The following SIPA1L1 variants were observed in gnomAD, a reference collection of about 807,000 sequenced individuals.
The protein encoded by SIPA1L1 is signal-induced proliferation-associated 1-like protein 1.
SIPA1L1 carries 26 observed loss-of-function variants against 162.7 expected under a neutral mutation model. The ratio of observed to expected loss-of-function variants is 0.16; its 90% CI spans 0.12 to 0.22. SIPA1L1 has a LOEUF of 0.22. Among genes scored for constraint, SIPA1L1 ranks in the 10% least tolerant of loss-of-function variants. The pLI, the probability that SIPA1L1 is intolerant of heterozygous loss-of-function variation, is 1.00. For synonymous variants in SIPA1L1, 829 were observed against 837.4 expected, an observed-to-expected ratio of 0.99 and a Z score of 0.17; for missense variants, 1,874 against 2,241.0, an observed-to-expected ratio of 0.84 and a Z score of 3.31.
chr14:71,564,021 C>T lies in SIPA1L1; in HGVS notation c.-302-23550C>T, dbSNP rs550901568. 1.1e-3 allele frequency among the ~76,000 whole-genome samples: 171 copies of T among 152,292 alleles called. 1 individual carries two copies. The highest frequency in any genetic ancestry group is 1.8e-3 in the Non-Finnish European group (120 of 68,016). On this transcript the variant is annotated intron_variant, in intron 4 of 23. Transcript: ENST00000381232. ...GTAGTGCAGTGGCACGAACACAGCT[C>T]ACTGCAGCCTCCACCTTCTGTCTCA... is the stretch of plus-strand genomic sequence containing the variant.
chr14:71,657,345 CA>C (rs561713864), intron 8 of SIPA1L1, among the ~76,000 whole-genome samples: 300 of 88,192 alleles, frequency 3.4e-3, no homozygotes, highest in African/African-American at 5.4e-3. Context: ...GAGACTGTCT[CA>C]AAAAAAAAAA....
intron 19 of SIPA1L1, among the ~76,000 whole-genome samples, chr14:71,726,097 A>T (rs2084219876): frequency 6.6e-6 from 1 of 152,178 alleles, no homozygotes; most frequent in African/African-American, 2.4e-5. Flanking sequence ...AAAAATCAAC[A>T]TTCATAGGAA....
rs558255372 is a variant in SIPA1L1, at chr14:71,391,045, T to C, written c.-465+69864T>C. ...CTAAGACTTCACAGGACAATGACAGTGGAAAGGAAATAGAAAAAAAAGCCA... is the reference window on the plus strand; with the variant it reads ...CTAAGACTTCACAGGACAATGACAGCGGAAAGGAAATAGAAAAAAAAGCCA... On this transcript the variant is annotated intron_variant, in intron 2 of 23. Transcript: ENST00000381232. Among the ~76,000 whole-genome samples, 90 of 150,524 alleles carry C rather than the reference T, an allele frequency of 6.0e-4. 1 individual carries two copies. In the South Asian group the frequency reaches 0.015, roughly 25 times the overall value.
chr14:71,616,871 C>G (rs1246462274), intron 5 of SIPA1L1, among the ~76,000 whole-genome samples: 2 of 151,990 alleles, frequency 1.3e-5, no homozygotes, highest in Non-Finnish European at 2.9e-5. Flanking sequence ...TTATAGTGGC[C>G]CTATATCTGG....
chr14:71,552,544 A>G (rs1349802955), intron 4 of SIPA1L1, among the ~76,000 whole-genome samples: 1 of 151,798 alleles, frequency 6.6e-6, no homozygotes, highest in Non-Finnish European at 1.5e-5. Context: ...GGCGCCCGCC[A>G]CCACGCCCGG....
intron 2 of SIPA1L1, among the ~76,000 whole-genome samples, chr14:71,427,119 G>A (rs1838838280): frequency 6.6e-6 from 1 of 152,050 alleles, no homozygotes; most frequent in African/African-American, 2.4e-5. Context: ...TTTTATTGAA[G>A]TCTTTATTTC....
chr14:71,620,843 T>C (rs774361371), intron 6 of SIPA1L1, among the ~76,000 whole-genome samples: 1 of 152,222 alleles, frequency 6.6e-6, no homozygotes, highest in Non-Finnish European at 1.5e-5. Flanking sequence ...AAGATTCTCT[T>C]CTTCTCCAGC....
At position 71,360,102 on chromosome 14, in the gene SIPA1L1, A is replaced by G. The variant is rs554482171; in HGVS notation, c.-465+38921A>G. Among the ~76,000 whole-genome samples, 14 of 152,318 alleles carry G rather than the reference A, an allele frequency of 9.2e-5. No individual in the cohort carries two copies. The East Asian group carries it at 2.7e-3, about 29-fold the overall frequency. On this transcript the variant is annotated intron_variant, in intron 2 of 23. Coordinates refer to ENST00000381232, the MANE Select transcript of SIPA1L1 (RefSeq NM_001386936.1). The stretch of plus-strand genomic sequence containing the variant: ...CGGGGTCATCTAGATGTGAGAGTAC[A>G]TTTCTACTAATCTAAACTTTTTACA...
intron 7 of SIPA1L1, among the ~76,000 whole-genome samples, chr14:71,630,177 T>C (rs909457798): frequency 6.6e-6 from 1 of 152,242 alleles, no homozygotes; most frequent in African/African-American, 2.4e-5. Flanking sequence ...GGCTACCAAA[T>C]TGATTCCAGA....
intron 16 of SIPA1L1, among the ~76,000 whole-genome samples, chr14:71,705,908 C>G (rs888027092): frequency 1.3e-5 from 2 of 152,076 alleles, no homozygotes; most frequent in Non-Finnish European, 2.9e-5. Context: ...TCCAACCCCC[C>G]TCTTATTTTT....
At chr14:71,471,884 T>C (rs1335281182) in intron 2 of SIPA1L1, among the ~76,000 whole-genome samples, 2 of 152,196 alleles carry the variant, frequency 1.3e-5, no homozygotes, top group Non-Finnish European at 2.9e-5. Context: ...TGAATTTAGA[T>C]AGAAAAGATA....
chr14:71,723,622 A>G, intron 17 of SIPA1L1, 25 bp from the exon 18 acceptor site: 1 of 1,612,428 alleles, frequency 6.2e-7, no homozygotes. Context: ...TGAGATACAC[A>G]TGTCTTTGCC....
At chr14:71,508,015 G>A (rs148986147) in intron 2 of SIPA1L1, among the ~76,000 whole-genome samples, 60 of 152,274 alleles carry the variant, frequency 3.9e-4, no homozygotes, top group Admixed American at 3.7e-3. Context: ...GAGGGTAACC[G>A]GCATAAGCTC....
intron 2 of SIPA1L1, among the ~76,000 whole-genome samples, chr14:71,485,458 C>A (rs2048678540): frequency 6.6e-6 from 1 of 152,062 alleles, no homozygotes; most frequent in Non-Finnish European, 1.5e-5. Context: ...GCATTAGATT[C>A]TTATAGGAGT....
chr14:71,568,440 TCTGACAA>T (rs2031232775), intron 4 of SIPA1L1, among the ~76,000 whole-genome samples: 1 of 152,172 alleles, frequency 6.6e-6, no homozygotes, highest in Non-Finnish European at 1.5e-5. Flanking sequence ...AAGCCTGAGT[TCTGACAA>T]AAGGTGGTAT....
At chr14:71,519,037 C>T (rs1045724726) in intron 3 of SIPA1L1, among the ~76,000 whole-genome samples, 7 of 152,252 alleles carry the variant, frequency 4.6e-5, no homozygotes, top group South Asian at 2.1e-4. Flanking sequence ...ATTACCTTCC[C>T]GGGGTCCCTC....
intron 2 of SIPA1L1, among the ~76,000 whole-genome samples, chr14:71,353,364 G>T (rs1384379923): frequency 6.6e-6 from 1 of 152,124 alleles, no homozygotes; most frequent in Non-Finnish European, 1.5e-5. Flanking sequence ...AGACATTTTA[G>T]ACCAAAGAGG....
At chr14:71,728,337 A>C (rs941655613) in intron 19 of SIPA1L1, among the ~76,000 whole-genome samples, 4 of 152,242 alleles carry the variant, frequency 2.6e-5, no homozygotes, top group African/African-American at 9.6e-5. Flanking sequence ...AAGGGAAATT[A>C]TCACTTTCAT....
At chr14:71,462,518 G>C (rs1437267323) in intron 2 of SIPA1L1, among the ~76,000 whole-genome samples, 1 of 152,186 alleles carries the variant, frequency 6.6e-6, no homozygotes, top group East Asian at 1.9e-4. Flanking sequence ...GGTCCACTAG[G>C]CGTTGTGCCT....
Sources: gnomAD v4.1 joint callset for allele counts (sites outside exome capture counted in the v4.1 genomes callset) on GRCh38, gnomAD v4.1.1 for gene constraint, MANE v1.5 for transcripts, NCBI Gene and HGNC (gene_info 2026-07-23, HGNC 2026-07-21) for gene names.